The following KCNN1 variants were observed in gnomAD, a reference collection of about 807,000 sequenced individuals.
KCNN1 encodes potassium calcium-activated channel subfamily N member 1.
Under a neutral mutation model 44.7 loss-of-function variants are expected in KCNN1, and 20 were observed. The ratio of observed to expected loss-of-function variants is 0.45; its 90% CI spans 0.32 to 0.65. The LOEUF (loss-of-function observed/expected upper bound fraction) is 0.65, where lower values mean the gene tolerates loss of function less well. Ranked by LOEUF, KCNN1 falls within the 30% of genes least tolerant of loss-of-function variation. KCNN1 has a pLI of 0.05. For synonymous variants in KCNN1, 324 were observed against 341.7 expected (o/e 0.95, Z 0.57); for missense variants, 632 against 785.3 (o/e 0.80, Z 2.33).
At chr19:17,987,673 C>T (rs1568457915) in intron 5 of KCNN1, among the ~76,000 whole-genome samples, 1 of 151,988 alleles carries the variant, frequency 6.6e-6, no homozygotes, top group African/African-American at 2.4e-5. Flanking sequence ...TAGGCCAACC[C>T]TGCTCAGGCT....
Position 17,993,896 on chromosome 19 carries a change from T to TGACA in KCNN1, c.1377+338_1377+341dup, listed in dbSNP as rs1289262703. ...CTGCAGTCCAGCCTGGGTGACAGAG[T>TGACA]GACACCCTGTCTCAAAAAAATGATA... On this transcript the variant is annotated intron_variant, in intron 9 of 9. Coordinates refer to ENST00000684775, the MANE Select transcript of KCNN1 (RefSeq NM_001386974.1). This position sits in a 1 kb window ranked among gnomAD's most constrained non-coding sequence, Gnocchi z 4.5. Among the ~76,000 whole-genome samples the TGACA allele has an allele frequency of 2.0e-5, 3 of 151,706 alleles. No homozygotes were observed. Among genetic ancestry groups the TGACA allele is most frequent in the Non-Finnish European group, 4.4e-5 (3 of 67,920 alleles).
intron 6 of KCNN1, among the ~76,000 whole-genome samples, chr19:17,988,957 A>C (rs1028660328): frequency 2.6e-5 from 4 of 151,434 alleles, no homozygotes; most frequent in Non-Finnish European, 5.9e-5. Context: ...CCACGCACCC[A>C]TCTGTGAGTA....
chr19:17,965,788 G>T (rs1353571734), upstream of KCNN1, among the ~76,000 whole-genome samples: 1 of 152,114 alleles, frequency 6.6e-6, no homozygotes, highest in East Asian at 1.9e-4. Flanking sequence ...ATCTGACCGG[G>T]ACCACCCAGG....
chr19:17,992,150 A>G (rs2032816536), intron 7 of KCNN1, among the ~76,000 whole-genome samples: 1 of 152,116 alleles, frequency 6.6e-6, no homozygotes, highest in Non-Finnish European at 1.5e-5. Context: ...GTGAAACCCC[A>G]TCTCTACTAA....
At chr19:17,982,606 C>G in intron 4 of KCNN1, 1 of 984,666 alleles carries the variant, frequency 1.0e-6, no homozygotes, top group Non-Finnish European at 1.2e-6. Flanking sequence ...GAGCTGTGTG[C>G]GCAGAGCAGC....
intron 5 of KCNN1, among the ~76,000 whole-genome samples, chr19:17,988,154 CAAAAAAAAAAA>C (rs59928660): frequency 7.5e-5 from 4 of 53,538 alleles, no homozygotes; most frequent in Admixed American, 4.7e-4. Flanking sequence ...GACTCCATCT[CAAAAAAAAAAA>C]AAAAAAAAAA....
chr19:17,980,023 G>A (rs1029096737), intron 3 of KCNN1, among the ~76,000 whole-genome samples: 19 of 151,270 alleles, frequency 1.3e-4, no homozygotes, highest in Admixed American at 3.3e-4. Context: ...GCAACAGAGC[G>A]AGTCCCCATC....
upstream of KCNN1, among the ~76,000 whole-genome samples, chr19:17,962,391 T>G (rs2031702630): frequency 6.6e-6 from 1 of 152,162 alleles, no homozygotes; most frequent in Non-Finnish European, 1.5e-5. Context: ...CCTGTGCCCC[T>G]TTTTCCTCCG....
At chr19:17,965,543 C>T (rs1430022728), upstream of KCNN1, among the ~76,000 whole-genome samples, 1 of 152,034 alleles carries the variant, frequency 6.6e-6, no homozygotes, top group Non-Finnish European at 1.5e-5. Flanking sequence ...GAGGTGGGAA[C>T]TGTGGCGAGG....
In KCNN1 at chr19:17,974,684, A is replaced by G. The variant is rs78797593; in HGVS notation, c.402+394A>G. On this transcript the variant is annotated intron_variant, in intron 2 of 9. Transcript: ENST00000684775. This position sits in a 1 kb window ranked among gnomAD's most constrained non-coding sequence, Gnocchi z 7.3. The stretch of plus-strand genomic sequence containing the variant: ...TCCCTCATGCCACCTAGAATGTGTG[A>G]GGATGGAGAGAGATCAGGGCTGTGT... Among the ~76,000 whole-genome samples the G allele has an allele frequency of 2.1e-3, 322 of 152,232 alleles. No homozygotes were observed. Among genetic ancestry groups the G allele is most frequent in the African/African-American group, 7.5e-3 (310 of 41,536 alleles).
chr19:17,967,242 C>G lies in KCNN1; in HGVS notation c.-157C>G. On this transcript the variant is annotated 5_prime_UTR_variant, in exon 1 of 10. Transcript: ENST00000684775. ...CCCGTCCGCGACCCCGGCTCCGGCT[C>G]CCGACTGGGGGTCCGCGGCCGCGCG... 2.0e-6 allele frequency: 2 copies of G among 984,524 alleles called. No individual in the cohort carries two copies. The highest frequency in any genetic ancestry group is 2.4e-6 in the Non-Finnish European group (2 of 829,372). 61.0% of individuals were successfully genotyped at this position (984,524 alleles called of 1,614,324 possible). A position where few individuals can be genotyped will look rare whatever the true frequency, so the allele number is the denominator to read the frequency against.
chr19:17,952,616 G>A (rs900136161), intron 1 of KCNN1, among the ~76,000 whole-genome samples: 7 of 152,148 alleles, frequency 4.6e-5, no homozygotes, highest in Non-Finnish European at 7.4e-5. Context: ...GTGGGGACAT[G>A]GGGATCCTCC....
intron 2 of KCNN1, among the ~76,000 whole-genome samples, chr19:17,961,403 C>A (rs971568563): frequency 2.0e-5 from 3 of 151,800 alleles, no homozygotes; most frequent in African/African-American, 7.3e-5. Context: ...ATAATGAGAC[C>A]TCGTCTCTAC....
chr19:17,960,561 C>T (rs1374169302), intron 2 of KCNN1, among the ~76,000 whole-genome samples: 3 of 151,352 alleles, frequency 2.0e-5, no homozygotes, highest in South Asian at 2.1e-4. Context: ...ACGTGGGAGG[C>T]GGAGGTTGCA....
chr19:17,965,694 C>G (rs1259094047), upstream of KCNN1, among the ~76,000 whole-genome samples: 1 of 151,978 alleles, frequency 6.6e-6, no homozygotes, highest in Non-Finnish European at 1.5e-5. Context: ...TGCAGTGACT[C>G]TCAAAGCTGC....
intron 1 of KCNN1, among the ~76,000 whole-genome samples, chr19:17,952,746 G>A (rs1245211096): frequency 6.6e-6 from 1 of 152,066 alleles, no homozygotes; most frequent in Non-Finnish European, 1.5e-5. Context: ...GATTCCCTGT[G>A]CTGGCCAGGC....
chr19:17,958,518 C>G (rs2031598115), intron 2 of KCNN1, among the ~76,000 whole-genome samples: 1 of 140,516 alleles, frequency 7.1e-6, no homozygotes, highest in Non-Finnish European at 1.5e-5. Context: ...CAGGGTCTCA[C>G]TCTGTCATCC....
intron 3 of KCNN1, among the ~76,000 whole-genome samples, chr19:17,978,203 T>G (rs1211964373): frequency 2.0e-5 from 3 of 151,016 alleles, no homozygotes; most frequent in Non-Finnish European, 4.4e-5. Context: ...CTCAGCTCAT[T>G]GCAACCTCCG....
chr19:17,994,485 T>C lies in KCNN1; in HGVS notation c.1377+926T>C, dbSNP rs117674683. ...AAGCAAGAAAGAAATCAGTTTGTGTTATACATGGATCTGTGTGTTGATTCG... is the reference window on the plus strand; with the variant it reads ...AAGCAAGAAAGAAATCAGTTTGTGTCATACATGGATCTGTGTGTTGATTCG... On this transcript the variant is annotated intron_variant, in intron 9 of 9. Coordinates refer to ENST00000684775, the MANE Select transcript of KCNN1 (RefSeq NM_001386974.1). Among the ~76,000 whole-genome samples, 1,358 of 151,646 alleles carry C rather than the reference T, an allele frequency of 9.0e-3. 35 individuals carry two copies. The highest frequency in any genetic ancestry group is 0.058 in the Admixed American group (873 of 15,176).
Sources: allele counts gnomAD v4.1 joint callset (sites outside exome capture counted in the v4.1 genomes callset), GRCh38; gene constraint gnomAD v4.1.1; non-coding constraint Gnocchi (gnomAD v3.1); transcripts MANE v1.5; gene names NCBI Gene and HGNC (gene_info 2026-07-23, HGNC 2026-07-21).